The following GAS2 variants were observed in gnomAD, a reference collection of about 807,000 sequenced individuals.
The protein encoded by GAS2 is growth arrest-specific protein 2.
GAS2 carries 20 observed loss-of-function variants against 37.5 expected under a neutral mutation model. The observed-to-expected ratio is 0.53, with a 90% CI of 0.37 to 0.77. The LOEUF (loss-of-function observed/expected upper bound fraction) is 0.77, where lower values mean the gene tolerates loss of function less well. GAS2 is among the 30% of genes least tolerant of loss of function. The pLI is 0.00. For synonymous variants in GAS2, 144 were observed against 132.2 expected (o/e 1.09, Z -0.61); for missense variants, 336 against 373.4 (o/e 0.90, Z 0.82).
chr11:22,801,450 GT>G (rs59435678), intron 7 of GAS2, among the ~76,000 whole-genome samples: 25 of 147,722 alleles, frequency 1.7e-4, no homozygotes, highest in South Asian at 2.1e-4. Context: ...GCATGGGATA[GT>G]TTTTTTTTTT....
intron 4 of GAS2, among the ~76,000 whole-genome samples, chr11:22,735,102 A>G (rs1852678781): frequency 6.6e-6 from 1 of 151,584 alleles, no homozygotes; most frequent in Admixed American, 6.6e-5. Context: ...CCACATAACT[A>G]TCATCTTCCT....
At chr11:22,770,005 G>T (rs571213020) in intron 7 of GAS2, among the ~76,000 whole-genome samples, 50 of 152,300 alleles carry the variant, frequency 3.3e-4, no homozygotes, top group African/African-American at 1.2e-3. Context: ...CAGGGACATG[G>T]ATGAAACTGG....
At chr11:22,799,744 T>G (rs1300858512) in intron 7 of GAS2, among the ~76,000 whole-genome samples, 1 of 152,082 alleles carries the variant, frequency 6.6e-6, no homozygotes, top group African/African-American at 2.4e-5. Flanking sequence ...ATAAAGGTAG[T>G]GTTGCTTGGA....
chr11:22,718,966 C>T (rs1353156189), intron 3 of GAS2, among the ~76,000 whole-genome samples: 3 of 151,986 alleles, frequency 2.0e-5, no homozygotes, highest in African/African-American at 4.8e-5. Flanking sequence ...TTCCCCTTTG[C>T]GAAGCATTTG....
chr11:22,732,107 C>T (rs906238131), intron 4 of GAS2, among the ~76,000 whole-genome samples: 6 of 151,564 alleles, frequency 4.0e-5, no homozygotes, highest in Middle Eastern at 3.2e-3. Flanking sequence ...GAAATCATGC[C>T]CCATCTGTTA....
chr11:22,746,882 A>T (rs1212113249), intron 5 of GAS2, among the ~76,000 whole-genome samples: 1 of 152,194 alleles, frequency 6.6e-6, no homozygotes, highest in Non-Finnish European at 1.5e-5. Flanking sequence ...AAATAAAAAA[A>T]TTAAGTAGGT....
intron 1 of GAS2, among the ~76,000 whole-genome samples, chr11:22,644,613 G>A (rs1029927700): frequency 3.9e-5 from 6 of 152,030 alleles, no homozygotes; most frequent in East Asian, 1.9e-4. Context: ...GCTCCTACTC[G>A]TTGATTTTGT....
chr11:22,649,464 A>G (rs1322787100), intron 1 of GAS2, among the ~76,000 whole-genome samples: 3 of 152,036 alleles, frequency 2.0e-5, no homozygotes, highest in Non-Finnish European at 2.9e-5. Flanking sequence ...GTCTTTTTCT[A>G]TTGATTGGAA....
chr11:22,668,138 AC>A (rs1849053785), intron 1 of GAS2: 2 of 152,392 alleles, frequency 1.3e-5, no homozygotes, highest in South Asian at 4.1e-4. Context: ...AGAGAACAAG[AC>A]CTGTGCTTCT....
chr11:22,730,549 T>A (rs942445533), intron 4 of GAS2, among the ~76,000 whole-genome samples: 1 of 151,748 alleles, frequency 6.6e-6, no homozygotes, highest in Non-Finnish European at 1.5e-5. Context: ...TGTTGACGTA[T>A]AAGTGACAAG....
chr11:22,726,381 G>C lies in GAS2; in HGVS notation c.357G>C (p.Trp119Cys). 1 of 1,612,872 alleles carries C rather than the reference G, an allele frequency of 6.2e-7. No individual in the cohort carries two copies. The highest frequency in any genetic ancestry group is 8.5e-7 in the Non-Finnish European group (1 of 1,179,374). Residue 119 changes from tryptophan to cysteine, a missense_variant, in exon 4 of 8, where the codon TGG (tryptophan) becomes TGC (cysteine). By Grantham distance (215) the Trp-to-Cys change is radical (BLOSUM62 -2). Coordinates refer to ENST00000454584, the MANE Select transcript of GAS2 (RefSeq NM_001143830.3). Reference sequence around the variant, plus strand: ...ACAATACAGCAAATTTCTTATCCTGGTGCCGAGATTTAGGGGTGGATGAAA... The same window carrying C: ...ACAATACAGCAAATTTCTTATCCTGCTGCCGAGATTTAGGGGTGGATGAAA... ...ARDNTANFLS[W>C]CRDLGVDETC...
intron 7 of GAS2, among the ~76,000 whole-genome samples, chr11:22,810,456 CAAAAGAA>C (rs773238214): frequency 6.6e-6 from 1 of 152,130 alleles, no homozygotes; most frequent in Non-Finnish European, 1.5e-5. Flanking sequence ...TATATTTATT[CAAAAGAA>C]ACCACAAACA....
At chr11:22,656,514 A>G (rs535823593) in intron 1 of GAS2, among the ~76,000 whole-genome samples, 40 of 152,376 alleles carry the variant, frequency 2.6e-4, no homozygotes, top group African/African-American at 9.4e-4. Context: ...ACAAAGTACA[A>G]TGCATAATCC....
chr11:22,789,523 G>C (rs1274221083), intron 7 of GAS2, among the ~76,000 whole-genome samples: 1 of 133,560 alleles, frequency 7.5e-6, no homozygotes, highest in Non-Finnish European at 1.6e-5. Context: ...GTGCAGTGGC[G>C]TGATCTCGGC....
intron 7 of GAS2, among the ~76,000 whole-genome samples, chr11:22,790,479 G>A (rs80199795): frequency 0.037 from 5,584 of 151,976 alleles, 331 homozygotes; most frequent in African/African-American, 0.13. Flanking sequence ...ATCCAACAAT[G>A]TCCTACTTTT....
intron 1 of GAS2, among the ~76,000 whole-genome samples, chr11:22,640,497 C>T (rs1858895915): frequency 1.3e-5 from 2 of 151,894 alleles, no homozygotes; most frequent in Admixed American, 1.3e-4. Flanking sequence ...ATAATTTTAC[C>T]TATTTTATCA....
intron 7 of GAS2, among the ~76,000 whole-genome samples, chr11:22,797,108 G>A (rs1856463586): frequency 6.6e-6 from 1 of 152,056 alleles, no homozygotes; most frequent in Non-Finnish European, 1.5e-5. Context: ...TGGAGACTAA[G>A]CCTTCTTAAT....
chr11:22,649,501 C>G (rs868415498), intron 1 of GAS2, among the ~76,000 whole-genome samples: 9 of 151,864 alleles, frequency 5.9e-5, no homozygotes, highest in Admixed American at 2.6e-4. Flanking sequence ...GGTACCAGTT[C>G]CTCCTTGTAC....
chr11:22,785,344 C>G (rs1202611101), intron 7 of GAS2, among the ~76,000 whole-genome samples: 1 of 152,108 alleles, frequency 6.6e-6, no homozygotes, highest in Admixed American at 6.6e-5. Flanking sequence ...CCCACTCCTA[C>G]CTAGCCTGTC....
Sources: gnomAD v4.1 joint callset for allele counts (sites outside exome capture counted in the v4.1 genomes callset) on GRCh38, gnomAD v4.1.1 for gene constraint, MANE v1.5 for transcripts, NCBI Gene and HGNC (gene_info 2026-07-23, HGNC 2026-07-21) for gene names.